The following PANK2 variants were observed in gnomAD, a reference collection of about 807,000 sequenced individuals.
The protein encoded by PANK2 is pantothenate kinase 2, mitochondrial.
Under a neutral mutation model 43.1 loss-of-function variants are expected in PANK2, and 36 were observed. The ratio of observed to expected loss-of-function variants is 0.84; its 90% CI spans 0.64 to 1.10. PANK2 has a LOEUF of 1.10. PANK2 is among the 50% of genes least tolerant of loss of function. PANK2 has a pLI of 0.00. For synonymous variants in PANK2, 281 were observed against 238.2 expected (o/e 1.18, Z -1.66); for missense variants, 576 against 593.3 (o/e 0.97, Z 0.30).
Position 3,912,613 on chromosome 20 carries a change from C to T in PANK2, c.1061C>T (p.Pro354Leu). The change falls in exon 4 of 7, where the codon CCA (proline) becomes CTA (leucine). Residue 354 changes from proline to leucine, a missense_variant. Transcript: ENST00000610179. ...GGGGACTATGAGAGGTTTGGACTGCCAGGCTGGGCTGTGGCTTCAAGGTAA... is the reference window on the plus strand; with the variant it reads ...GGGGACTATGAGAGGTTTGGACTGCTAGGCTGGGCTGTGGCTTCAAGGTAA... 1 of 1,613,954 alleles carries T rather than the reference C, an allele frequency of 6.2e-7. No homozygotes were observed. The highest frequency in any genetic ancestry group is 1.1e-5 in the South Asian group (1 of 91,072).
chr20:3,923,594 C>G lies in PANK2; in HGVS notation c.*300C>G, dbSNP rs2090680409. The G allele has an allele frequency of 2.2e-6, 1 of 463,828 alleles. No individual in the cohort carries two copies. Among genetic ancestry groups the G allele is most frequent in the African/African-American group, 2.0e-5 (1 of 51,064 alleles). 28.7% of individuals were successfully genotyped at this position (463,828 alleles called of 1,614,324 possible). On this transcript the variant is annotated 3_prime_UTR_variant, in exon 7 of 7. Transcript: ENST00000610179. ...ATCTCTGCATCACTCATTGGAAGTG[C>G]TTCTGAAGAGAGCTGCTCTGTGTTC...
intron 6 of PANK2, among the ~76,000 whole-genome samples, chr20:3,919,710 G>A (rs139475543): frequency 1.8e-4 from 27 of 152,244 alleles, no homozygotes; most frequent in Non-Finnish European, 3.8e-4. Context: ...TCCCTTCTTG[G>A]TTGTGGGGCA....
intron 4 of PANK2, among the ~76,000 whole-genome samples, chr20:3,915,669 C>T (rs2090548638): frequency 1.3e-5 from 2 of 152,174 alleles, no homozygotes; most frequent in South Asian, 4.1e-4. Flanking sequence ...TGAGGTAGAG[C>T]TCCAAGTTCA....
At position 3,911,598 on chromosome 20, in the gene PANK2, AGAG is replaced by A. The variant is rs199917733; in HGVS notation, c.905+769_905+771del. On this transcript the variant is annotated intron_variant, in intron 3 of 6. Transcript: ENST00000610179. ...GACTCCGTCTCAAAAAAAAAAGAAA[AGAG>A]AGTATTAGGGCCAGGCACGGCAGCT... 4.7e-3 allele frequency among the ~76,000 whole-genome samples: 710 copies of A among 151,340 alleles called. 6 individuals carry two copies. Among genetic ancestry groups the A allele is most frequent in the Admixed American group, 0.023 (350 of 15,174 alleles).
At chr20:3,918,339 T>C (rs2090595059) in intron 5 of PANK2, among the ~76,000 whole-genome samples, 1 of 152,078 alleles carries the variant, frequency 6.6e-6, no homozygotes, top group African/African-American at 2.4e-5. Flanking sequence ...TGTGTCACTG[T>C]CCTTTTGGAT....
chr20:3,922,261 G>A (rs2090658480), intron 6 of PANK2, among the ~76,000 whole-genome samples: 1 of 152,176 alleles, frequency 6.6e-6, no homozygotes, highest in Non-Finnish European at 1.5e-5. Flanking sequence ...ATCGTTTTAG[G>A]ATTTGCCTCT....
chr20:3,889,427 G>T lies in PANK2; in HGVS notation c.-4G>T. Reference sequence around the variant, plus strand: ...CCGCGGAGGAGGCGAGAAGGAATCCGACGCTGGGGGGCTTGCTCGGGCGGC... The same window carrying T: ...CCGCGGAGGAGGCGAGAAGGAATCCTACGCTGGGGGGCTTGCTCGGGCGGC... On this transcript the variant is annotated 5_prime_UTR_variant, in exon 1 of 7. Coordinates refer to ENST00000610179, the MANE Select transcript of PANK2 (RefSeq NM_001386393.1). 6.4e-7 allele frequency: 1 copy of T among 1,565,506 alleles called. No homozygotes were observed.
chr20:3,889,186 T>C, upstream of PANK2: 3 of 1,611,044 alleles, frequency 1.9e-6, no homozygotes, highest in Non-Finnish European at 2.5e-6. Context: ...CTTCTCTTCC[T>C]CCGCGGAACC....
At chr20:3,911,314 G>A (rs747005338) in intron 3 of PANK2, among the ~76,000 whole-genome samples, 61 of 152,256 alleles carry the variant, frequency 4.0e-4, no homozygotes, top group Non-Finnish European at 7.9e-4. Flanking sequence ...GCCGGGCGTG[G>A]TGGCTCATGC....
In PANK2 at chr20:3,889,407, G is replaced by C; in HGVS notation, c.-24G>C. 1.9e-6 allele frequency: 3 copies of C among 1,571,864 alleles called. No individual in the cohort carries two copies. Among genetic ancestry groups the C allele is most frequent in the Non-Finnish European group, 2.6e-6 (3 of 1,161,868 alleles). ...CCTCTGCTCTGGCTGGACTGCCGCGGAGGAGGCGAGAAGGAATCCGACGCT... is the reference window on the plus strand; with the variant it reads ...CCTCTGCTCTGGCTGGACTGCCGCGCAGGAGGCGAGAAGGAATCCGACGCT... On this transcript the variant is annotated 5_prime_UTR_variant, in exon 1 of 7. Coordinates refer to ENST00000610179, the MANE Select transcript of PANK2 (RefSeq NM_001386393.1).
intron 1 of PANK2, among the ~76,000 whole-genome samples, chr20:3,906,015 C>T (rs1386851917): frequency 6.6e-6 from 1 of 152,064 alleles, no homozygotes; most frequent in Non-Finnish European, 1.5e-5. Context: ...CGTGCCCGGC[C>T]TAAACCCACA....
In PANK2 at chr20:3,910,638, A is replaced by T. The variant is rs139048254; in HGVS notation, c.713A>T (p.Tyr238Phe). The change falls in exon 3 of 7, where the codon TAC (tyrosine) becomes TTC (phenylalanine). Residue 238 changes from tyrosine (Y) to phenylalanine (F), a missense_variant. By Grantham distance (22) the Tyr-to-Phe change is conservative (BLOSUM62 3). This residue lies in a region of PANK2 where 544 missense variants were observed against 528.9 expected (regional missense o/e 1.03). Transcript: ENST00000610179. ...GATTGCTTGATCAAAGGAATTTTAT[A>T]CATTGACTCAGTCGGATTCAATGGA... The T allele has an allele frequency of 1.1e-4, 173 of 1,614,028 alleles. No individual in the cohort carries two copies. The highest frequency in any genetic ancestry group is 1.4e-4 in the Non-Finnish European group (163 of 1,180,004).
At chr20:3,915,516 T>C (rs1245645468) in intron 4 of PANK2, among the ~76,000 whole-genome samples, 1 of 152,178 alleles carries the variant, frequency 6.6e-6, no homozygotes, top group Non-Finnish European at 1.5e-5. Context: ...CAGGATGGTC[T>C]CGATCTCTTG....
In PANK2 at chr20:3,926,156, C is replaced by T. The variant is rs1277397876; in HGVS notation, c.*2862C>T. The T allele has an allele frequency of 6.6e-6, 1 of 152,332 alleles. No homozygotes were observed. Among genetic ancestry groups the T allele is most frequent in the Non-Finnish European group, 1.5e-5 (1 of 68,176 alleles). The allele number at this position is 152,332 out of a possible 1,614,324, so 9.4% of individuals were successfully genotyped here. On this transcript the variant is annotated 3_prime_UTR_variant, in exon 7 of 7. Transcript: ENST00000610179. The stretch of plus-strand genomic sequence containing the variant: ...AGGGAGGAGAGATACAAGAGGGCAC[C>T]TGGGCTCATTTGTGGACTACGTGAT...
intron 1 of PANK2, among the ~76,000 whole-genome samples, chr20:3,890,129 C>G (rs907713375): frequency 1.3e-5 from 2 of 152,192 alleles, no homozygotes; most frequent in Non-Finnish European, 2.9e-5. Flanking sequence ...TTCCAAAGAG[C>G]TGCTCTCTAA....
chr20:3,917,351 G>A (rs2090578287), intron 5 of PANK2: 1 of 469,868 alleles, frequency 2.1e-6, no homozygotes, highest in South Asian at 1.6e-5. Context: ...GATGGATAAC[G>A]ATGCTGAATG....
chr20:3,904,592 AAAAT>A (rs1279573956), intron 1 of PANK2, among the ~76,000 whole-genome samples: 3 of 152,236 alleles, frequency 2.0e-5, no homozygotes, highest in Non-Finnish European at 2.9e-5. Flanking sequence ...TAAAAGGTGA[AAAAT>A]AAATAGAAAC....
At chr20:3,902,156 CCT>C (rs949320826) in intron 1 of PANK2, among the ~76,000 whole-genome samples, 3 of 150,564 alleles carry the variant, frequency 2.0e-5, no homozygotes, top group African/African-American at 2.4e-5. Flanking sequence ...ATATTCTCTC[CCT>C]CTCTCTTTTT....
Position 3,928,747 on chromosome 20 carries a change from C to CCAA in PANK2, c.*5453_*5454insCAA, listed in dbSNP as rs2090768713. ...TGGGTGACAGAGCGAGACTCCGTCT[C>CCAA]AAAAAAAAAAAAAAAAAAAAAAAAA... On this transcript the variant is annotated 3_prime_UTR_variant, in exon 7 of 7. Coordinates refer to ENST00000610179, the MANE Select transcript of PANK2 (RefSeq NM_001386393.1). 1.8e-5 allele frequency: 1 copy of CCAA among 56,840 alleles called. No homozygotes were observed. The highest frequency in any genetic ancestry group is 5.6e-5 in the African/African-American group (1 of 17,804). The allele number at this position is 56,840 out of a possible 1,614,324, so 3.5% of individuals were successfully genotyped here.
Sources: gnomAD v4.1 joint callset for allele counts (sites outside exome capture counted in the v4.1 genomes callset) on GRCh38, gnomAD v4.1.1 for gene constraint, gnomAD v4.1.1 regional missense constraint, MANE v1.5 for transcripts, NCBI Gene and HGNC (gene_info 2026-07-23, HGNC 2026-07-21) for gene names.